The following RHOA variants were observed in gnomAD, a reference collection of about 807,000 sequenced individuals.
The protein encoded by RHOA is transforming protein RhoA.
A neutral mutation model predicts 17.5 loss-of-function variants in RHOA; 3 were observed. That is an observed-to-expected ratio of 0.17 (90% CI 0.08 to 0.44). RHOA has a LOEUF of 0.44. Among genes scored for constraint, RHOA ranks in the 20% least tolerant of loss-of-function variants. The pLI is 0.99. For synonymous variants in RHOA, 98 were observed against 88.4 expected (o/e 1.11, Z -0.61); for missense variants, 56 against 242.3 (o/e 0.23, Z 5.10).
At position 49,404,925 on chromosome 3, in the gene RHOA, C is replaced by T. The variant is rs541647806; in HGVS notation, c.-3+6895G>A. ...CTGCACTCCAGCCTGGGCGACAGAGCGAGACTCTTGTCTCCAAAAAAAAAA... is the reference window on the plus strand; with the variant it reads ...CTGCACTCCAGCCTGGGCGACAGAGTGAGACTCTTGTCTCCAAAAAAAAAA... On this transcript the variant is annotated intron_variant, in intron 1 of 4. Transcript: ENST00000418115. 4.1e-5 allele frequency among the ~76,000 whole-genome samples: 6 copies of T among 146,132 alleles called. No homozygotes were observed. In the East Asian group the frequency reaches 8.2e-4, roughly 20 times the overall value.
intron 1 of RHOA, among the ~76,000 whole-genome samples, chr3:49,392,811 G>A (rs2048531932): frequency 1.3e-5 from 2 of 152,122 alleles, no homozygotes; most frequent in African/African-American, 4.8e-5. Flanking sequence ...CACAGCTGCT[G>A]GATTGGTCAA....
intron 4 of RHOA, chr3:49,361,086 C>CAA (rs749506733): frequency 1.5e-4 from 19 of 127,062 alleles, no homozygotes; most frequent in South Asian, 9.8e-4. Context: ...AAAAACAAAA[C>CAA]AAAAAAAAAA....
intron 1 of RHOA, among the ~76,000 whole-genome samples, chr3:49,401,041 C>CAAAAAAGAAAAAA (rs2048716013): frequency 1.5e-5 from 1 of 67,584 alleles, no homozygotes; most frequent in Non-Finnish European, 2.6e-5. Context: ...GACTCCGTCT[C>CAAAAAAGAAAAAA]AAAAAAAAAA....
intron 1 of RHOA, among the ~76,000 whole-genome samples, chr3:49,388,442 A>C (rs1018619082): frequency 6.6e-6 from 1 of 152,174 alleles, no homozygotes; most frequent in Admixed American, 6.6e-5. Flanking sequence ...ATTTCCTGGG[A>C]TAACTATAGC....
chr3:49,400,163 G>A (rs1457923719), intron 1 of RHOA, among the ~76,000 whole-genome samples: 1 of 148,016 alleles, frequency 6.8e-6, no homozygotes, highest in Admixed American at 6.8e-5. Context: ...AGTGAGCCGA[G>A]ACCGCGCCAC....
chr3:49,400,922 T>C (rs1042102282), intron 1 of RHOA, among the ~76,000 whole-genome samples: 1 of 149,960 alleles, frequency 6.7e-6, no homozygotes, highest in Non-Finnish European at 1.5e-5. Flanking sequence ...GGCGGGCGCC[T>C]GTAGTCCCAG....
At chr3:49,373,072 G>A (rs190883148) in intron 2 of RHOA, among the ~76,000 whole-genome samples, 20 of 152,168 alleles carry the variant, frequency 1.3e-4, no homozygotes, top group African/African-American at 3.6e-4. Flanking sequence ...GGCCAGGCAC[G>A]GTGGCTCATG....
intron 1 of RHOA, among the ~76,000 whole-genome samples, chr3:49,382,127 G>A (rs1181449831): frequency 1.3e-5 from 2 of 150,250 alleles, no homozygotes; most frequent in African/African-American, 4.9e-5. Flanking sequence ...AGACCATCCT[G>A]GCTAACATAG....
chr3:49,408,144 G>A (rs1452914198), intron 1 of RHOA, among the ~76,000 whole-genome samples: 1 of 144,406 alleles, frequency 6.9e-6, no homozygotes, highest in Non-Finnish European at 1.5e-5. Context: ...GGACGACAGA[G>A]TGAGACTCAG....
At chr3:49,386,587 T>C (rs1267673363) in intron 1 of RHOA, among the ~76,000 whole-genome samples, 1 of 152,142 alleles carries the variant, frequency 6.6e-6, no homozygotes, top group Non-Finnish European at 1.5e-5. Flanking sequence ...TCCACTGTCT[T>C]ACCCTCCTTC....
chr3:49,375,919 T>C (rs73088112), intron 1 of RHOA, among the ~76,000 whole-genome samples: 1,704 of 151,994 alleles, frequency 0.011, 23 homozygotes, highest in Non-Finnish European at 0.018. Context: ...CCAATCTCAG[T>C]TCACTGCAAC....
chr3:49,378,599 C>T (rs77852888), intron 1 of RHOA, among the ~76,000 whole-genome samples: 3,673 of 151,456 alleles, frequency 0.024, 159 homozygotes, highest in African/African-American at 0.085. Context: ...ATGTGTTTCT[C>T]TATTATGTAG....
intron 1 of RHOA, among the ~76,000 whole-genome samples, chr3:49,399,166 A>C (rs1185543): frequency 6.6e-6 from 1 of 151,288 alleles, no homozygotes; most frequent in Non-Finnish European, 1.5e-5. Context: ...TCAGGAGATC[A>C]AGACCACCCT....
At chr3:49,368,907 C>CTG (rs946997417) in intron 2 of RHOA, among the ~76,000 whole-genome samples, 2 of 148,028 alleles carry the variant, frequency 1.4e-5, no homozygotes, top group African/African-American at 5.0e-5. Context: ...CGGGGTTTCA[C>CTG]TGTGTTAGCC....
intron 1 of RHOA, among the ~76,000 whole-genome samples, chr3:49,384,428 G>A (rs2048365288): frequency 6.6e-6 from 1 of 152,168 alleles, no homozygotes; most frequent in African/African-American, 2.4e-5. Flanking sequence ...GTTTGGAGTA[G>A]AGGTTTATTT....
intron 3 of RHOA, among the ~76,000 whole-genome samples, chr3:49,367,410 G>A (rs1193192498): frequency 1.3e-5 from 2 of 150,420 alleles, no homozygotes. Flanking sequence ...CTGTGTTTAG[G>A]CTAATGAAAT....
chr3:49,368,576 T>C, intron 2 of RHOA, 28 bp from the exon 3 acceptor site: 1 of 1,613,264 alleles, frequency 6.2e-7, no homozygotes, highest in Non-Finnish European at 8.5e-7. Context: ...ACCACAAGAG[T>C]GCAAGGTTAA....
intron 2 of RHOA, among the ~76,000 whole-genome samples, chr3:49,371,718 C>T (rs1015301620): frequency 2.0e-5 from 3 of 152,200 alleles, no homozygotes; most frequent in Non-Finnish European, 4.4e-5. Flanking sequence ...GGGGACTCTC[C>T]TCAAGTGAGA....
At chr3:49,387,398 C>T (rs527359148) in intron 1 of RHOA, among the ~76,000 whole-genome samples, 13 of 142,676 alleles carry the variant, frequency 9.1e-5, no homozygotes, top group African/African-American at 3.1e-4. Flanking sequence ...GAGCCGAGAT[C>T]GTGCCATTGC....
Sources: allele counts gnomAD v4.1 joint callset (sites outside exome capture counted in the v4.1 genomes callset), GRCh38; gene constraint gnomAD v4.1.1; transcripts MANE v1.5; gene names NCBI Gene and HGNC (gene_info 2026-07-23, HGNC 2026-07-21).